HCN1: variants seen among roughly 807,000 people sequenced by gnomAD.
HCN1 encodes potassium/sodium hyperpolarization-activated cyclic nucleotide-gated channel 1.
Under a neutral mutation model 78.9 loss-of-function variants are expected in HCN1, and 13 were observed. The ratio of observed to expected loss-of-function variants is 0.16; its 90% CI spans 0.11 to 0.26. The LOEUF is 0.26. Ranked by LOEUF, HCN1 falls within the 10% of genes least tolerant of loss-of-function variation. The pLI is 1.00. For synonymous variants in HCN1, 552 were observed against 455.5 expected (o/e 1.21, Z -2.70); for missense variants, 810 against 1,154.3 (o/e 0.70, Z 4.32).
chr5:45,544,646 A>C (rs907500102), intron 2 of HCN1, among the ~76,000 whole-genome samples: 1 of 118,242 alleles, frequency 8.5e-6, no homozygotes, highest in Non-Finnish European at 1.6e-5. Context: ...TTCCCCACCT[A>C]GTGTCCAAGT....
chr5:45,357,389 A>C (rs1322305904), intron 4 of HCN1, among the ~76,000 whole-genome samples: 1 of 152,008 alleles, frequency 6.6e-6, no homozygotes, highest in Non-Finnish European at 1.5e-5. Flanking sequence ...TAATGTATTT[A>C]GTCTCTGCAT....
At chr5:45,491,929 T>C (rs934077115) in intron 2 of HCN1, among the ~76,000 whole-genome samples, 14 of 152,196 alleles carry the variant, frequency 9.2e-5, no homozygotes, top group South Asian at 2.1e-4. Context: ...ACTACCTATA[T>C]ATAAATGTCA....
intron 2 of HCN1, among the ~76,000 whole-genome samples, chr5:45,561,195 T>C (rs1340492149): frequency 3.9e-5 from 6 of 152,150 alleles, no homozygotes; most frequent in East Asian, 1.9e-4. Flanking sequence ...TTTTAAGCTA[T>C]GGTAATTTAA....
At chr5:45,464,188 C>T (rs1341353526) in intron 2 of HCN1, among the ~76,000 whole-genome samples, 1 of 152,022 alleles carries the variant, frequency 6.6e-6, no homozygotes, top group African/African-American at 2.4e-5. Context: ...TAAGAAAACC[C>T]TATTATCTCT....
In HCN1 at chr5:45,577,629, T is replaced by C. The variant is rs1450706889; in HGVS notation, c.849+67556A>G. ...ATAATAATCCATTGCAGGATAAATA[T>C]ATCATTAAAAAATCTAGGTAGCATA... On this transcript the variant is annotated intron_variant, in intron 2 of 7. Transcript: ENST00000303230. Among the ~76,000 whole-genome samples, 3 of 152,114 alleles carry C rather than the reference T, an allele frequency of 2.0e-5. No homozygotes were observed. In the East Asian group the frequency reaches 5.8e-4, roughly 29 times the overall value.
chr5:45,611,896 G>T (rs1321199460), intron 2 of HCN1, among the ~76,000 whole-genome samples: 1 of 151,974 alleles, frequency 6.6e-6, no homozygotes, highest in African/African-American at 2.4e-5. Flanking sequence ...TAACCTTTGG[G>T]AGAAGTTACA....
At chr5:45,523,187 C>A (rs752338085) in intron 2 of HCN1, among the ~76,000 whole-genome samples, 44 of 152,156 alleles carry the variant, frequency 2.9e-4, no homozygotes, top group Non-Finnish European at 4.7e-4. Flanking sequence ...AGGACATGAA[C>A]TCATCATTTC....
chr5:45,680,953 T>C (rs1739690726), intron 1 of HCN1, among the ~76,000 whole-genome samples: 1 of 152,164 alleles, frequency 6.6e-6, no homozygotes, highest in African/African-American at 2.4e-5. Context: ...ATCCTGATTC[T>C]TTTTGCTATT....
intron 2 of HCN1, chr5:45,558,654 A>T (rs1243730688): frequency 1.3e-5 from 2 of 152,112 alleles, no homozygotes; most frequent in Non-Finnish European, 2.9e-5. Context: ...GCAAATGCTC[A>T]TTGCTCATTC....
chr5:45,343,528 C>A lies in HCN1; in HGVS notation c.1377+9572G>T, dbSNP rs150050679. Among the ~76,000 whole-genome samples the A allele has an allele frequency of 3.0e-3, 458 of 152,176 alleles. 1 individual carries two copies. Among genetic ancestry groups the A allele is most frequent in the African/African-American group, 0.011 (436 of 41,524 alleles). ...GCATTTGATGATTGGATGTACAGAG[C>A]ACAGAAAGAAAAGCTGCAAAATAGG... On this transcript the variant is annotated intron_variant, in intron 5 of 7. Coordinates refer to ENST00000303230, the MANE Select transcript of HCN1 (RefSeq NM_021072.4).
rs1421955811 is a variant in HCN1, at chr5:45,324,183, C to A, written c.1378-20344G>T. Among the ~76,000 whole-genome samples the A allele has an allele frequency of 2.6e-5, 4 of 151,982 alleles. No homozygotes were observed. In the South Asian group the frequency reaches 6.2e-4, roughly 24 times the overall value. On this transcript the variant is annotated intron_variant, in intron 5 of 7. Coordinates refer to ENST00000303230, the MANE Select transcript of HCN1 (RefSeq NM_021072.4). ...ATCTAATTAAACTAAAGAGCTTCTGCACAGCAAAAGAAACCACAATCTGAG... is the reference window on the plus strand; with the variant it reads ...ATCTAATTAAACTAAAGAGCTTCTGAACAGCAAAAGAAACCACAATCTGAG...
intron 1 of HCN1, among the ~76,000 whole-genome samples, chr5:45,670,333 C>G (rs1419708330): frequency 6.6e-6 from 1 of 151,674 alleles, no homozygotes; most frequent in Non-Finnish European, 1.5e-5. Context: ...CATTCTAAAT[C>G]CAACACATTT....
intron 2 of HCN1, among the ~76,000 whole-genome samples, chr5:45,593,233 C>G (rs1744413649): frequency 7.1e-6 from 1 of 140,370 alleles, no homozygotes; most frequent in Admixed American, 7.1e-5. Context: ...CACACACACA[C>G]AGACACACAC....
chr5:45,675,509 C>A (rs1274361589), intron 1 of HCN1, among the ~76,000 whole-genome samples: 1 of 151,732 alleles, frequency 6.6e-6, no homozygotes, highest in Non-Finnish European at 1.5e-5. Flanking sequence ...GCATGCTGAA[C>A]TAGTAGAGAA....
intron 2 of HCN1, among the ~76,000 whole-genome samples, chr5:45,597,329 C>T (rs911995912): frequency 7.2e-5 from 11 of 152,190 alleles, no homozygotes; most frequent in African/African-American, 2.7e-4. Flanking sequence ...ACATGATTAT[C>T]TCAATAGATG....
intron 4 of HCN1, among the ~76,000 whole-genome samples, chr5:45,388,182 C>T (rs928905202): frequency 3.9e-5 from 6 of 152,126 alleles, no homozygotes; most frequent in Non-Finnish European, 8.8e-5. Context: ...AAGCATCTTC[C>T]TAGCTCTTCA....
chr5:45,544,561 A>G (rs1743170192), intron 2 of HCN1, among the ~76,000 whole-genome samples: 1 of 151,596 alleles, frequency 6.6e-6, no homozygotes, highest in African/African-American at 2.4e-5. Flanking sequence ...TGTCATTTAC[A>G]TTTACATTAG....
intron 4 of HCN1, among the ~76,000 whole-genome samples, chr5:45,375,217 A>ATG (rs1747590496): frequency 8.6e-6 from 1 of 116,674 alleles, no homozygotes; most frequent in Non-Finnish European, 1.6e-5. Context: ...ATAATATATA[A>ATG]TATAATATTT....
intron 1 of HCN1, among the ~76,000 whole-genome samples, chr5:45,690,085 A>C (rs35381866): frequency 6.6e-6 from 1 of 151,814 alleles, no homozygotes; most frequent in African/African-American, 2.4e-5. Context: ...TGTTTGTTGC[A>C]GCACTTTTTA....
Sources: gnomAD v4.1 joint callset for allele counts (sites outside exome capture counted in the v4.1 genomes callset) on GRCh38, gnomAD v4.1.1 for gene constraint, MANE v1.5 for transcripts, NCBI Gene and HGNC (gene_info 2026-07-23, HGNC 2026-07-21) for gene names.